The following WASF3 variants were observed in gnomAD, a reference collection of about 807,000 sequenced individuals.
The protein encoded by WASF3 is actin-binding protein WASF3.
Under a neutral mutation model 46.6 loss-of-function variants are expected in WASF3, and 11 were observed. The observed-to-expected ratio is 0.24, with a 90% confidence interval of 0.15 to 0.39. WASF3 has a LOEUF of 0.39. WASF3 is among the 10% of genes least tolerant of loss of function. The pLI is 1.00. For synonymous variants in WASF3, 242 were observed against 259.7 expected (o/e 0.93, Z 0.65); for missense variants, 576 against 669.8 (o/e 0.86, Z 1.55).
intron 2 of WASF3, among the ~76,000 whole-genome samples, chr13:26,629,760 A>G (rs944337122): frequency 1.3e-5 from 2 of 152,014 alleles, no homozygotes; most frequent in Non-Finnish European, 1.5e-5. Context: ...TTTCTATTTT[A>G]TGGTCAACTG....
At chr13:26,569,246 C>T (rs1189386653) in intron 1 of WASF3, among the ~76,000 whole-genome samples, 3 of 152,082 alleles carry the variant, frequency 2.0e-5, no homozygotes, top group Non-Finnish European at 2.9e-5. Flanking sequence ...TTGAACAAAA[C>T]AATTAATAAA....
chr13:26,680,464 T>C (rs1205681282), intron 7 of WASF3, among the ~76,000 whole-genome samples: 1 of 152,226 alleles, frequency 6.6e-6, no homozygotes, highest in Non-Finnish European at 1.5e-5. Context: ...TTTCGGAGTT[T>C]CACACCCAGT....
chr13:26,591,474 G>T (rs980270236), intron 1 of WASF3, among the ~76,000 whole-genome samples: 1 of 152,074 alleles, frequency 6.6e-6, no homozygotes, highest in Non-Finnish European at 1.5e-5. Context: ...AGGATTTACT[G>T]GTGGATCTGA....
At chr13:26,585,772 T>C (rs1489956477) in intron 1 of WASF3, among the ~76,000 whole-genome samples, 1 of 151,990 alleles carries the variant, frequency 6.6e-6, no homozygotes, top group Non-Finnish European at 1.5e-5. Context: ...TGACTTGTAT[T>C]GCTTTGCTCT....
At chr13:26,544,495 T>A in the WASF3 span, among the ~76,000 whole-genome samples, 1 of 152,192 alleles carries the variant, frequency 6.6e-6, no homozygotes, top group Non-Finnish European at 1.5e-5. Context: ...GCCGCCAGGA[T>A]GCCCGCTAGT....
chr13:26,644,427 G>T (rs1310411454), intron 3 of WASF3, among the ~76,000 whole-genome samples: 1 of 152,192 alleles, frequency 6.6e-6, no homozygotes. Flanking sequence ...TCATGATTGG[G>T]CCGGGGCTGG....
chr13:26,575,682 G>T (rs1473218274), intron 1 of WASF3, among the ~76,000 whole-genome samples: 1 of 152,112 alleles, frequency 6.6e-6, no homozygotes, highest in Non-Finnish European at 1.5e-5. Context: ...AGGACAGGTA[G>T]GCTTGATATA....
At chr13:26,617,950 C>T (rs1881185541) in intron 2 of WASF3, among the ~76,000 whole-genome samples, 1 of 152,150 alleles carries the variant, frequency 6.6e-6, no homozygotes, top group Non-Finnish European at 1.5e-5. Context: ...AAGAAGGTGC[C>T]TTGCTTCCCC....
At chr13:26,596,406 GAC>G (rs1440758224) in intron 1 of WASF3, among the ~76,000 whole-genome samples, 28 of 150,866 alleles carry the variant, frequency 1.9e-4, no homozygotes, top group Admixed American at 1.8e-3. Context: ...AATCTTGTAT[GAC>G]AGTCATTTTC....
chr13:26,654,680 G>A (rs1037913225), intron 3 of WASF3, among the ~76,000 whole-genome samples: 1 of 152,154 alleles, frequency 6.6e-6, no homozygotes, highest in East Asian at 1.9e-4. Flanking sequence ...GTTCATTATA[G>A]TTAATTATGG....
chr13:26,646,998 T>A (rs1241335480), intron 3 of WASF3, among the ~76,000 whole-genome samples: 1 of 152,204 alleles, frequency 6.6e-6, no homozygotes, highest in African/African-American at 2.4e-5. Flanking sequence ...TTTACATAAC[T>A]TTTAGGAAAT....
chr13:26,682,689 C>T lies in WASF3; in HGVS notation c.1066C>T (p.Gln356Ter). ...PPPPPVIPSA[Q>*]TAFVSPLQMP... is the part of the protein sequence containing the mutation. Reference sequence around the variant, plus strand: ...ACCTCCTCCTGTGATTCCCTCAGCACAAACTGCCTTCGTCAGCCCTCTCCA... The same window carrying T: ...ACCTCCTCCTGTGATTCCCTCAGCATAAACTGCCTTCGTCAGCCCTCTCCA... The change falls in exon 9 of 10, where the codon CAA (glutamine) becomes TAA (stop). Residue 356 changes from glutamine (Q) to a stop codon, truncating the protein, a stop_gained. Coordinates refer to ENST00000335327, the MANE Select transcript of WASF3 (RefSeq NM_006646.6). LOFTEE classifies it high-confidence loss of function. The surrounding 1 kb of genome is among the most constrained non-coding windows in gnomAD (Gnocchi z 4.4). 6.2e-7 allele frequency: 1 copy of T among 1,614,200 alleles called. No homozygotes were observed. The highest frequency in any genetic ancestry group is 8.5e-7 in the Non-Finnish European group (1 of 1,180,038).
At chr13:26,572,668 C>T (rs972909063) in intron 1 of WASF3, among the ~76,000 whole-genome samples, 6 of 152,036 alleles carry the variant, frequency 3.9e-5, no homozygotes, top group Non-Finnish European at 7.4e-5. Context: ...CAGATTCAAG[C>T]GATTCTGCCG....
At chr13:26,560,793 C>G (rs1263539878) in intron 1 of WASF3, among the ~76,000 whole-genome samples, 3 of 152,204 alleles carry the variant, frequency 2.0e-5, no homozygotes, top group Non-Finnish European at 4.4e-5. Context: ...TCTGTCAGCC[C>G]CCGATGAGCT....
chr13:26,615,364 A>G (rs1881099759), intron 2 of WASF3, among the ~76,000 whole-genome samples: 1 of 151,834 alleles, frequency 6.6e-6, no homozygotes, highest in Non-Finnish European at 1.5e-5. Flanking sequence ...GCTGGCAGGC[A>G]GTGGTATAAT....
chr13:26,604,722 A>G (rs955324333), intron 1 of WASF3, among the ~76,000 whole-genome samples: 2 of 152,210 alleles, frequency 1.3e-5, no homozygotes, highest in African/African-American at 4.8e-5. Context: ...TCAGTAATTA[A>G]AGCAGAGAAA....
At chr13:26,564,900 GTTTTTTTTT>G (rs66809412) in intron 1 of WASF3, among the ~76,000 whole-genome samples, 1 of 81,634 alleles carries the variant, frequency 1.2e-5, no homozygotes, top group South Asian at 5.6e-4. Flanking sequence ...CAAGGTTGTG[GTTTTTTTTT>G]TTTTTTTTTT....
At chr13:26,539,280 A>C in the WASF3 span, among the ~76,000 whole-genome samples, 1 of 152,104 alleles carries the variant, frequency 6.6e-6, no homozygotes, top group East Asian at 1.9e-4. Flanking sequence ...GTGGTAGCTG[A>C]GTCTGGGGGG....
chr13:26,567,293 C>T (rs759833981), intron 1 of WASF3, among the ~76,000 whole-genome samples: 5 of 152,106 alleles, frequency 3.3e-5, no homozygotes, highest in East Asian at 1.9e-4. Context: ...GTTACAGATG[C>T]GCTTGGAGTG....
Sources: allele counts gnomAD v4.1 joint callset (sites outside exome capture counted in the v4.1 genomes callset), GRCh38; gene constraint gnomAD v4.1.1; non-coding constraint Gnocchi (gnomAD v3.1); transcripts MANE v1.5; gene names NCBI Gene and HGNC (gene_info 2026-07-23, HGNC 2026-07-21).